The following SPAG16 variants were observed in gnomAD, a reference collection of about 807,000 sequenced individuals.
SPAG16 encodes sperm-associated antigen 16 protein.
A neutral mutation model predicts 80.4 loss-of-function variants in SPAG16; 86 were observed. That is an observed-to-expected ratio of 1.07 (90% confidence interval 0.90 to 1.28). The LOEUF (loss-of-function observed/expected upper bound fraction) is 1.28. Among genes scored for constraint, SPAG16 ranks in the 50% most tolerant of loss-of-function variants. The pLI is 0.00. For missense variants in SPAG16, 870 were observed against 765.3 expected (o/e 1.14, Z -1.61); for synonymous variants, 294 against 265.9 (o/e 1.11, Z -1.03).
rs79843454 is a variant in SPAG16 at position 213,926,019 on chromosome 2, C to A, written c.1215-3941C>A. ...TTTGGTATACATTTTTCTTTCCAAA[C>A]ATGTGGTTCTAGGTCTTAAATTTTC... On this transcript the variant is annotated intron_variant, in intron 11 of 15. Transcript: ENST00000331683. Among the ~76,000 whole-genome samples the A allele has an allele frequency of 5.6e-3, 859 of 152,092 alleles. 14 individuals carry two copies. The highest frequency in any genetic ancestry group is 0.041 in the East Asian group (214 of 5,158).
At chr2:213,305,268 T>G (rs1265039107) in intron 3 of SPAG16, among the ~76,000 whole-genome samples, 1 of 152,030 alleles carries the variant, frequency 6.6e-6, no homozygotes, top group African/African-American at 2.4e-5. Context: ...GGTGAATAGG[T>G]TTTTTTCGAG....
intron 15 of SPAG16, among the ~76,000 whole-genome samples, chr2:214,266,676 G>T (rs1019186455): frequency 9.2e-5 from 14 of 151,598 alleles, no homozygotes; most frequent in Non-Finnish European, 1.6e-4. Context: ...ACAACATGAT[G>T]TTATAGAAAA....
At chr2:214,269,112 T>G (rs1004656538) in intron 15 of SPAG16, among the ~76,000 whole-genome samples, 2 of 152,028 alleles carry the variant, frequency 1.3e-5, no homozygotes, top group Non-Finnish European at 2.9e-5. Flanking sequence ...TTTATGTCCT[T>G]AAGGTATCCA....
chr2:214,177,370 G>A (rs1007503654), intron 15 of SPAG16, among the ~76,000 whole-genome samples: 2 of 151,006 alleles, frequency 1.3e-5, no homozygotes, highest in Non-Finnish European at 1.5e-5. Flanking sequence ...TTGACTTAAT[G>A]GTGACAGTTC....
intron 10 of SPAG16, among the ~76,000 whole-genome samples, chr2:213,500,977 T>C (rs1455925412): frequency 1.3e-5 from 2 of 152,180 alleles, no homozygotes; most frequent in Non-Finnish European, 2.9e-5. Flanking sequence ...CATGGGTAAT[T>C]CTTGGTGAGG....
At chr2:213,837,283 A>G (rs983531549) in intron 10 of SPAG16, among the ~76,000 whole-genome samples, 30 of 152,230 alleles carry the variant, frequency 2.0e-4, no homozygotes, top group African/African-American at 7.0e-4. Context: ...TCTATTTACT[A>G]TATAGGCCTT....
At chr2:213,610,736 G>A (rs533960987) in intron 10 of SPAG16, among the ~76,000 whole-genome samples, 4 of 152,172 alleles carry the variant, frequency 2.6e-5, no homozygotes, top group South Asian at 4.1e-4. Context: ...GGAAGAACGC[G>A]TCTACCCTAG....
rs188717288 is a variant in SPAG16 at position 214,284,444 on chromosome 2, G to A, written c.1721-125696G>A. Among the ~76,000 whole-genome samples, 419 of 152,154 alleles carry A rather than the reference G, an allele frequency of 2.8e-3. 3 individuals carry two copies. Among genetic ancestry groups the A allele is most frequent in the African/African-American group, 9.7e-3 (402 of 41,506 alleles). On this transcript the variant is annotated intron_variant, in intron 15 of 15. Transcript: ENST00000331683. ...TTTGGTTATTGATTCTAACTACTTGGTTGAGCATTAAATATTATAATATAC... is the reference window on the plus strand; with the variant it reads ...TTTGGTTATTGATTCTAACTACTTGATTGAGCATTAAATATTATAATATAC...
chr2:214,153,348 G>A (rs1373015457), intron 15 of SPAG16, among the ~76,000 whole-genome samples: 1 of 152,126 alleles, frequency 6.6e-6, no homozygotes, highest in East Asian at 1.9e-4. Context: ...CATGATTATA[G>A]AGTGAGGATT....
chr2:213,816,830 A>G (rs1575220528), intron 10 of SPAG16, among the ~76,000 whole-genome samples: 2 of 152,174 alleles, frequency 1.3e-5, no homozygotes, highest in Admixed American at 1.3e-4. Flanking sequence ...TTATCACTGA[A>G]CTTACAGTGA....
intron 10 of SPAG16, among the ~76,000 whole-genome samples, chr2:213,823,980 C>G (rs2073113626): frequency 6.6e-6 from 1 of 152,114 alleles, no homozygotes; most frequent in African/African-American, 2.4e-5. Flanking sequence ...TTCATGAAGT[C>G]TTTGCCCATG....
chr2:213,481,216 T>C (rs956616807), intron 9 of SPAG16, among the ~76,000 whole-genome samples: 4 of 152,154 alleles, frequency 2.6e-5, no homozygotes, highest in African/African-American at 9.7e-5. Context: ...AATCTAAAAG[T>C]CATTGAAATT....
chr2:214,345,693 A>T (rs1247141872), intron 15 of SPAG16, among the ~76,000 whole-genome samples: 6 of 152,110 alleles, frequency 3.9e-5, no homozygotes, highest in African/African-American at 4.8e-5. Flanking sequence ...GCCCACTCCC[A>T]ATCCCTTTCT....
At chr2:213,645,532 T>C (rs2062788675) in intron 10 of SPAG16, among the ~76,000 whole-genome samples, 1 of 152,132 alleles carries the variant, frequency 6.6e-6, no homozygotes, top group Admixed American at 6.5e-5. Context: ...CCAGGGTGTT[T>C]GTCTAAAAAT....
chr2:213,523,179 C>T (rs1361179185), intron 10 of SPAG16, among the ~76,000 whole-genome samples: 2 of 152,186 alleles, frequency 1.3e-5, no homozygotes, highest in South Asian at 4.1e-4. Context: ...CTGCTGTTCT[C>T]GTGATAGTGA....
At chr2:213,861,791 G>A (rs1442236042) in intron 10 of SPAG16, among the ~76,000 whole-genome samples, 1 of 152,146 alleles carries the variant, frequency 6.6e-6, no homozygotes. Context: ...TCAAATAATA[G>A]TGCTTAATGT....
chr2:213,781,109 A>T (rs116319322), intron 10 of SPAG16, among the ~76,000 whole-genome samples: 1,777 of 151,956 alleles, frequency 0.012, 30 homozygotes, highest in African/African-American at 0.04. Flanking sequence ...ACTCAGCAAA[A>T]CTCCTTTAAG....
At position 213,444,626 on chromosome 2, in the gene SPAG16, A is replaced by G. The variant is rs541701905; in HGVS notation, c.943-45337A>G. On this transcript the variant is annotated intron_variant, in intron 9 of 15. Coordinates refer to ENST00000331683, the MANE Select transcript of SPAG16 (RefSeq NM_024532.5). ...GATTCATCTAATCCATGGACATGAG[A>G]TATCTTTCCATTTTTTGTTCCCTCT... Among the ~76,000 whole-genome samples, 4 of 152,298 alleles carry G rather than the reference A, an allele frequency of 2.6e-5. No individual in the cohort carries two copies. In the South Asian group the frequency reaches 8.3e-4, roughly 32 times the overall value.
At chr2:214,331,644 G>A in intron 15 of SPAG16, among the ~76,000 whole-genome samples, 1 of 151,602 alleles carries the variant, frequency 6.6e-6, no homozygotes. Flanking sequence ...GAATGCTGGA[G>A]AATGGTACCC....
Sources: gnomAD v4.1 joint callset for allele counts (sites outside exome capture counted in the v4.1 genomes callset) on GRCh38, gnomAD v4.1.1 for gene constraint, MANE v1.5 for transcripts, NCBI Gene and HGNC (gene_info 2026-07-23, HGNC 2026-07-21) for gene names.